TANK: variants seen among roughly 807,000 people sequenced by gnomAD.
The protein encoded by TANK is TRAF family member-associated NF-kappa-B activator.
A neutral mutation model predicts 43.6 loss-of-function variants in TANK; 15 were observed. The observed-to-expected ratio is 0.34, with a 90% CI of 0.23 to 0.53. TANK has a LOEUF of 0.53. Among genes scored for constraint, TANK ranks in the 20% least tolerant of loss-of-function variants. TANK has a pLI of 0.94. For synonymous variants in TANK, 162 were observed against 178.2 expected, an observed-to-expected ratio of 0.91 and a Z score of 0.73; for missense variants, 417 against 498.6, an observed-to-expected ratio of 0.84 and a Z score of 1.56.
chr2:161,166,421 G>A (rs1265313510), intron 1 of TANK, among the ~76,000 whole-genome samples: 1 of 152,214 alleles, frequency 6.6e-6, no homozygotes, highest in African/African-American at 2.4e-5. Context: ...GTAAATGTGA[G>A]TAGTGACAGT....
chr2:161,217,307 A>G (rs10178063), intron 4 of TANK, among the ~76,000 whole-genome samples: 17,408 of 152,114 alleles, frequency 0.11, 1,727 homozygotes, highest in African/African-American at 0.26. Flanking sequence ...ATTTAAACTC[A>G]GAATTTAAGG....
chr2:161,201,870 C>T (rs889291730), intron 2 of TANK, among the ~76,000 whole-genome samples: 3 of 152,206 alleles, frequency 2.0e-5, no homozygotes, highest in Admixed American at 2.0e-4. Flanking sequence ...GAGACGTATT[C>T]ATTGGACATG....
At chr2:161,144,014 A>G (rs1437485857) in intron 1 of TANK, among the ~76,000 whole-genome samples, 1 of 151,988 alleles carries the variant, frequency 6.6e-6, no homozygotes, top group Non-Finnish European at 1.5e-5. Flanking sequence ...CTATTCAAGT[A>G]TCACTTCTTT....
chr2:161,221,817 G>A (rs1464753542), intron 4 of TANK, among the ~76,000 whole-genome samples: 2 of 151,942 alleles, frequency 1.3e-5, no homozygotes, highest in African/African-American at 4.8e-5. Context: ...AGTACAACCA[G>A]TAATACTTTT....
At chr2:161,154,317 T>C (rs761583362) in intron 1 of TANK, among the ~76,000 whole-genome samples, 8 of 152,154 alleles carry the variant, frequency 5.3e-5, no homozygotes, top group Non-Finnish European at 1.2e-4. Flanking sequence ...CTTAAGGTAT[T>C]AAAAGAAGCC....
chr2:161,180,834 C>A (rs1685385666), intron 2 of TANK, among the ~76,000 whole-genome samples: 1 of 151,726 alleles, frequency 6.6e-6, no homozygotes, highest in African/African-American at 2.4e-5. Flanking sequence ...ATACACCTTT[C>A]CTTCAACTTT....
At chr2:161,151,287 A>G (rs920977252) in intron 1 of TANK, among the ~76,000 whole-genome samples, 1 of 152,100 alleles carries the variant, frequency 6.6e-6, no homozygotes, top group African/African-American at 2.4e-5. Flanking sequence ...TGCTAGGTCT[A>G]GTTGGTTTAT....
intron 2 of TANK, among the ~76,000 whole-genome samples, chr2:161,194,671 C>A (rs888578363): frequency 6.6e-6 from 1 of 152,126 alleles, no homozygotes; most frequent in African/African-American, 2.4e-5. Context: ...AGTCTTGACC[C>A]ATGTGAAATG....
chr2:161,195,698 A>G (rs2105329480), intron 2 of TANK, among the ~76,000 whole-genome samples: 1 of 152,262 alleles, frequency 6.6e-6, no homozygotes, highest in East Asian at 1.9e-4. Context: ...TTTTGCAAAG[A>G]ACACAGTGGC....
chr2:161,142,141 C>T (rs1351815068), intron 1 of TANK, among the ~76,000 whole-genome samples: 1 of 152,124 alleles, frequency 6.6e-6, no homozygotes, highest in African/African-American at 2.4e-5. Context: ...TGAGAAGTGT[C>T]TATTCATATC....
At chr2:161,188,741 T>C (rs1026911516) in intron 2 of TANK, among the ~76,000 whole-genome samples, 3 of 152,208 alleles carry the variant, frequency 2.0e-5, no homozygotes, top group Non-Finnish European at 4.4e-5. Flanking sequence ...GTATCACTTA[T>C]GAATATTTGC....
chr2:161,157,540 A>G (rs1251929484), upstream of TANK, among the ~76,000 whole-genome samples: 4 of 152,228 alleles, frequency 2.6e-5, no homozygotes, highest in African/African-American at 7.2e-5. Flanking sequence ...ACCAGATTCC[A>G]TTAATAGTGA....
rs1341100961 is a variant in TANK at position 161,231,011 on chromosome 2, A to G, written c.561A>G (p.Thr187=). 2 of 1,614,214 alleles carry G rather than the reference A, an allele frequency of 1.2e-6. No individual in the cohort carries two copies. Among genetic ancestry groups the G allele is most frequent in the Non-Finnish European group, 1.7e-6 (2 of 1,180,024 alleles). The part of the protein sequence containing the change: ...CSVPIQCTDK[T]DKQEALFKPQ... ...TGCCTATACAGTGTACGGATAAAAC[A>G]GATAAACAAGAAGCGCTGTTTAAGC... Residue 187 remains threonine (T), a synonymous_variant, in exon 7 of 8, where the codon ACA becomes ACG. Transcript: ENST00000392749.
At chr2:161,172,077 G>A (rs182795853) in intron 1 of TANK, among the ~76,000 whole-genome samples, 125 of 152,176 alleles carry the variant, frequency 8.2e-4, no homozygotes, top group Admixed American at 2.9e-3. Flanking sequence ...TTATTTAACA[G>A]CATAGAAAGG....
chr2:161,171,592 C>T (rs1208417005), intron 1 of TANK, among the ~76,000 whole-genome samples: 1 of 152,124 alleles, frequency 6.6e-6, no homozygotes, highest in African/African-American at 2.4e-5. Context: ...TGGTAATGTT[C>T]TCAAGGCTAA....
intron 1 of TANK, among the ~76,000 whole-genome samples, chr2:161,174,093 G>A (rs954150745): frequency 6.6e-6 from 1 of 152,024 alleles, no homozygotes; most frequent in African/African-American, 2.4e-5. Flanking sequence ...TTATATATAT[G>A]GTCTCACTGA....
At chr2:161,234,886 G>A (rs1420954013) in intron 7 of TANK, among the ~76,000 whole-genome samples, 13 of 152,292 alleles carry the variant, frequency 8.5e-5, no homozygotes. Context: ...ATAAACAGTA[G>A]TGAAATTGAT....
In TANK at chr2:161,195,147, G is replaced by A. The variant is rs138857776; in HGVS notation, c.100-8340G>A. Among the ~76,000 whole-genome samples the A allele has an allele frequency of 3.3e-3, 495 of 152,250 alleles. 1 individual carries two copies. Among genetic ancestry groups the A allele is most frequent in the African/African-American group, 0.011 (458 of 41,542 alleles). On this transcript the variant is annotated intron_variant, in intron 2 of 7. Coordinates refer to ENST00000392749, the MANE Select transcript of TANK (RefSeq NM_001199135.3). Reference sequence around the variant, plus strand: ...GTAGGATATATGTTCAAGGAGATTGGTTAATAAAGAATTAATGATATTCAT... The same window carrying A: ...GTAGGATATATGTTCAAGGAGATTGATTAATAAAGAATTAATGATATTCAT...
chr2:161,153,933 T>C (rs1684150253), intron 1 of TANK, among the ~76,000 whole-genome samples: 1 of 152,132 alleles, frequency 6.6e-6, no homozygotes, highest in Admixed American at 6.6e-5. Flanking sequence ...AACACAGAAC[T>C]CTCACTTACA....
Sources: gnomAD v4.1 joint callset for allele counts (sites outside exome capture counted in the v4.1 genomes callset) on GRCh38, gnomAD v4.1.1 for gene constraint, MANE v1.5 for transcripts, NCBI Gene and HGNC (gene_info 2026-07-23, HGNC 2026-07-21) for gene names.